The following NSUN2 variants were observed in gnomAD, a reference collection of about 807,000 sequenced individuals.
NSUN2 encodes the protein RNA cytosine C(5)-methyltransferase NSUN2.
NSUN2 carries 63 observed loss-of-function variants against 92.7 expected under a neutral mutation model. The ratio of observed to expected loss-of-function variants is 0.68; its 90% CI spans 0.56 to 0.84. The LOEUF (loss-of-function observed/expected upper bound fraction) is 0.84, where lower values mean the gene tolerates loss of function less well. Ranked by LOEUF, NSUN2 falls within the 40% of genes least tolerant of loss-of-function variation. The pLI is 0.00. For missense variants in NSUN2, 989 were observed against 964.9 expected (o/e 1.02, Z -0.33); for synonymous variants, 356 against 348.3 (o/e 1.02, Z -0.25).
At chr5:6,602,984 G>T (rs957803798) in intron 17 of NSUN2, among the ~76,000 whole-genome samples, 1 of 152,162 alleles carries the variant, frequency 6.6e-6, no homozygotes, top group African/African-American at 2.4e-5. Flanking sequence ...TTCTTGCCTG[G>T]AGACGGCAGT....
intron 8 of NSUN2, 29 bp downstream of exon 8, chr5:6,617,921 A>T (rs1737276852): frequency 6.6e-7 from 1 of 1,526,418 alleles, no homozygotes; most frequent in Non-Finnish European, 9.0e-7. Context: ...CTTGTCACAC[A>T]GTGTTAGCAG....
At position 6,632,730 on chromosome 5, in the gene NSUN2, G is replaced by A. The variant is rs112327056; in HGVS notation, c.123C>T (p.Ile41=). 1.4e-3 allele frequency: 2,202 copies of A among 1,613,982 alleles called. 30 individuals carry two copies. The African/African-American group carries it at 0.026, about 19-fold the overall frequency. Reference sequence around the variant, plus strand: ...GCTCGAACAGCTTGTTCTCCTTGACGATCTCGGGGTAGCCTCCTTCCCAGC... The same window carrying A: ...GCTCGAACAGCTTGTTCTCCTTGACAATCTCGGGGTAGCCTCCTTCCCAGC... ...EAGWEGGYPE[I]VKENKLFEHY... The change falls in exon 2 of 19, where the codon ATC becomes ATT. Residue 41 remains isoleucine (I), a synonymous_variant. Transcript: ENST00000264670.
At chr5:6,612,376 G>A (rs957069009) in intron 9 of NSUN2, among the ~76,000 whole-genome samples, 2 of 152,188 alleles carry the variant, frequency 1.3e-5, no homozygotes, top group Non-Finnish European at 2.9e-5. Flanking sequence ...CCTCAAGTTC[G>A]TGGTCCCAGG....
chr5:6,623,343 T>C, intron 4 of NSUN2, 58 bp from the exon 5 acceptor site: 2 of 1,413,492 alleles, frequency 1.4e-6, no homozygotes, highest in East Asian at 4.7e-5. Context: ...CCGCAGACAA[T>C]TTCAATCTTT....
rs551746483 is a variant in NSUN2 at position 6,610,815 on chromosome 5, T to C, written c.1226+140A>G. The C allele has an allele frequency of 7.5e-6, 7 of 929,538 alleles. No individual in the cohort carries two copies. The South Asian group carries it at 1.2e-4, about 17-fold the overall frequency. 57.6% of individuals were successfully genotyped at this position (929,538 alleles called of 1,614,324 possible). On this transcript the variant is annotated intron_variant, in intron 11 of 18. Coordinates refer to ENST00000264670, the MANE Select transcript of NSUN2 (RefSeq NM_017755.6). Reference sequence around the variant, plus strand: ...ATACTGGCTGGGAAGTTCACACACATGGGGTTGACCCTGGCATAACCCAAG... The same window carrying C: ...ATACTGGCTGGGAAGTTCACACACACGGGGTTGACCCTGGCATAACCCAAG...
chr5:6,606,978 A>G (rs1736802835), intron 13 of NSUN2, 66 bp from the exon 14 acceptor site: 2 of 1,075,648 alleles, frequency 1.9e-6, no homozygotes, highest in African/African-American at 3.2e-5. Context: ...TACCAAAAGC[A>G]CATTCTTCCT....
chr5:6,601,385 C>T (rs3776442), intron 18 of NSUN2, among the ~76,000 whole-genome samples: 6 of 151,940 alleles, frequency 3.9e-5, no homozygotes, highest in African/African-American at 4.8e-5. Flanking sequence ...TGCTCCTGCC[C>T]GTTCACCATC....
At chr5:6,612,855 G>A (rs1246965369) in intron 9 of NSUN2, among the ~76,000 whole-genome samples, 2 of 152,194 alleles carry the variant, frequency 1.3e-5, no homozygotes. Context: ...CACCTGGGTT[G>A]GAAGCTGCCA....
At chr5:6,624,174 A>G (rs574715900) in intron 4 of NSUN2, among the ~76,000 whole-genome samples, 46 of 152,318 alleles carry the variant, frequency 3.0e-4, no homozygotes, top group African/African-American at 1.1e-3. Context: ...TTCACTCACT[A>G]GGCACACTGA....
At chr5:6,623,104 G>T in intron 5 of NSUN2, 110 bp downstream of exon 5, 1 of 758,054 alleles carries the variant, frequency 1.3e-6, no homozygotes, top group Non-Finnish European at 2.0e-6. Flanking sequence ...AAAGTGAAAA[G>T]AAGAAAAAAA....
intron 16 of NSUN2, 102 bp downstream of exon 16, chr5:6,604,503 C>T: frequency 1.8e-6 from 2 of 1,124,870 alleles, no homozygotes; most frequent in South Asian, 1.3e-5. Context: ...GCCAGCCAAG[C>T]CCTGAGCCAC....
rs2126480106 is a variant in NSUN2, at chr5:6,609,909, G to T, written c.1240C>A (p.Pro414Thr). The T allele has an allele frequency of 6.2e-7, 1 of 1,610,170 alleles. No individual in the cohort carries two copies. The highest frequency in any genetic ancestry group is 1.7e-4 in the Middle Eastern group (1 of 6,020). Reference sequence around the variant, plus strand: ...AACCCTCCAGTATTCTGATGATGGGGTAATATCCTAAGGCTAAATATATAT... The same window carrying T: ...AACCCTCCAGTATTCTGATGATGGGTTAATATCCTAAGGCTAAATATATAT... ...MHLERCLRIL[P>T]HHQNTGGFFV... The change falls in exon 12 of 19, where the codon CCC becomes ACC. Residue 414 changes from proline to threonine, a missense_variant. Physicochemically the swap from Pro to Thr is conservative, Grantham distance 38. Coordinates refer to ENST00000264670, the MANE Select transcript of NSUN2 (RefSeq NM_017755.6).
intron 7 of NSUN2, 59 bp from the exon 8 acceptor site, chr5:6,618,083 C>T (rs2126493147): frequency 1.8e-6 from 2 of 1,081,328 alleles, no homozygotes; most frequent in Non-Finnish European, 2.8e-6. Context: ...TGCACTTTAA[C>T]AGATATGTCA....
At chr5:6,606,220 T>C (rs1736763361) in intron 14 of NSUN2, among the ~76,000 whole-genome samples, 1 of 152,232 alleles carries the variant, frequency 6.6e-6, no homozygotes, top group Admixed American at 6.5e-5. Context: ...TACTCGTCTA[T>C]ATACTCAATT....
intron 12 of NSUN2, among the ~76,000 whole-genome samples, chr5:6,608,034 C>T (rs1736850225): frequency 6.6e-6 from 1 of 152,212 alleles, no homozygotes; most frequent in African/African-American, 2.4e-5. Context: ...CGTAATTCCT[C>T]AGTCCCTATG....
intron 18 of NSUN2, among the ~76,000 whole-genome samples, chr5:6,601,268 T>G (rs1029462844): frequency 5.3e-5 from 8 of 152,136 alleles, no homozygotes; most frequent in African/African-American, 1.9e-4. Context: ...CCTTAAAATA[T>G]CCCAATATTT....
At chr5:6,603,694 C>CA (rs1736645203) in intron 17 of NSUN2, among the ~76,000 whole-genome samples, 1 of 151,732 alleles carries the variant, frequency 6.6e-6, no homozygotes, top group Non-Finnish European at 1.5e-5. Flanking sequence ...TGTCTCAAAA[C>CA]AAAAAAAGAA....
intron 6 of NSUN2, 141 bp downstream of exon 6, chr5:6,621,875 T>G: frequency 1.5e-6 from 1 of 653,560 alleles, no homozygotes; most frequent in Non-Finnish European, 2.7e-6. Context: ...TGTCCAGTTC[T>G]ACTTCCGGTA....
chr5:6,609,171 T>G (rs1190282219), intron 12 of NSUN2, among the ~76,000 whole-genome samples: 2 of 152,230 alleles, frequency 1.3e-5, no homozygotes, highest in Non-Finnish European at 2.9e-5. Flanking sequence ...CTTCCAGACT[T>G]TGATTCCAGG....
Sources: allele counts gnomAD v4.1 joint callset (sites outside exome capture counted in the v4.1 genomes callset), GRCh38; gene constraint gnomAD v4.1.1; transcripts MANE v1.5; gene names NCBI Gene and HGNC (gene_info 2026-07-23, HGNC 2026-07-21).